RORB: variants seen among roughly 807,000 people sequenced by gnomAD.
RORB encodes RAR related orphan receptor B.
Under a neutral mutation model 59.1 loss-of-function variants are expected in RORB, and 6 were observed. That is an observed-to-expected ratio of 0.10 (90% CI 0.06 to 0.20). RORB has a LOEUF of 0.20. Among genes scored for constraint, RORB ranks in the 10% least tolerant of loss-of-function variants. The probability of loss-of-function intolerance (pLI) is 1.00; values close to 1 mark genes in which losing one functional copy is unlikely to be tolerated. For missense variants in RORB, 320 were observed against 560.5 expected, an observed-to-expected ratio of 0.57 and a Z score of 4.33; for synonymous variants, 215 against 204.5, an observed-to-expected ratio of 1.05 and a Z score of -0.44.
intron 1 of RORB, among the ~76,000 whole-genome samples, chr9:74,608,563 C>CAAAAAAAA (rs34028088): frequency 3.9e-5 from 5 of 127,292 alleles, no homozygotes; most frequent in Non-Finnish European, 8.1e-5. Flanking sequence ...GACTCCGTCT[C>CAAAAAAAA]AAAAAAAAAA....
At chr9:74,604,654 T>G (rs1220773220) in intron 1 of RORB, among the ~76,000 whole-genome samples, 1 of 152,202 alleles carries the variant, frequency 6.6e-6, no homozygotes, top group Non-Finnish European at 1.5e-5. Context: ...AGTGTAGTGG[T>G]GTTAAATAGC....
Position 74,568,423 on chromosome 9 carries a change from C to T in RORB, c.8-61859C>T, listed in dbSNP as rs753276890. On this transcript the variant is annotated intron_variant, in intron 1 of 9. Transcript: ENST00000376896. Reference sequence around the variant, plus strand: ...TTTCTTAAGAAAATTAAACCGGAGCCGGGCACGGTGGCTCACGCCTGTAAT... The same window carrying T: ...TTTCTTAAGAAAATTAAACCGGAGCTGGGCACGGTGGCTCACGCCTGTAAT... Among the ~76,000 whole-genome samples the T allele has an allele frequency of 3.9e-5, 6 of 151,900 alleles. No homozygotes were observed. The Middle Eastern group carries it at 0.01, about 258-fold the overall frequency.
intron 1 of RORB, among the ~76,000 whole-genome samples, chr9:74,513,884 A>T (rs1260387168): frequency 6.6e-6 from 1 of 152,090 alleles, no homozygotes; most frequent in East Asian, 1.9e-4. Context: ...GTGTTATTGT[A>T]TATACTATGT....
chr9:74,684,768 A>G (rs1474961216), intron 9 of RORB, among the ~76,000 whole-genome samples: 3 of 152,178 alleles, frequency 2.0e-5, no homozygotes, highest in African/African-American at 7.2e-5. Flanking sequence ...CATATTATGC[A>G]TTACAGTGGA....
At chr9:74,524,201 G>A (rs1378694942) in intron 1 of RORB, among the ~76,000 whole-genome samples, 1 of 151,698 alleles carries the variant, frequency 6.6e-6, no homozygotes, top group Non-Finnish European at 1.5e-5. Flanking sequence ...AGGAGACTTA[G>A]TTTGTCCTGG....
intron 1 of RORB, among the ~76,000 whole-genome samples, chr9:74,539,691 A>G (rs1826374668): frequency 6.6e-6 from 1 of 152,158 alleles, no homozygotes; most frequent in African/African-American, 2.4e-5. Flanking sequence ...TATGAAGACA[A>G]ATAAAGCTGG....
At chr9:74,502,339 A>G (rs1489443279) in intron 1 of RORB, among the ~76,000 whole-genome samples, 1 of 152,094 alleles carries the variant, frequency 6.6e-6, no homozygotes, top group African/African-American at 2.4e-5. Flanking sequence ...GCGTATACAC[A>G]GTTGTCAACA....
At chr9:74,502,209 G>A (rs1387849522) in intron 1 of RORB, among the ~76,000 whole-genome samples, 2 of 152,068 alleles carry the variant, frequency 1.3e-5, no homozygotes, top group Admixed American at 6.5e-5. Flanking sequence ...TCCAAGCCAT[G>A]AAACCTAATT....
rs907478597 is a variant in RORB at position 74,623,929 on chromosome 9, G to C, written c.8-6353G>C. On this transcript the variant is annotated intron_variant, in intron 1 of 9. Coordinates refer to ENST00000376896, the MANE Select transcript of RORB (RefSeq NM_006914.4). ...AAAGTGATTTACTTTGTTTACAAGGGGAATATTTAACTTATCAGTATTTTC... is the reference window on the plus strand; with the variant it reads ...AAAGTGATTTACTTTGTTTACAAGGCGAATATTTAACTTATCAGTATTTTC... Among the ~76,000 whole-genome samples, 28 of 152,188 alleles carry C rather than the reference G, an allele frequency of 1.8e-4. 1 individual carries two copies. The highest frequency in any genetic ancestry group is 4.2e-4 in the South Asian group (2 of 4,806).
At chr9:74,522,979 T>C (rs1256522010) in intron 1 of RORB, among the ~76,000 whole-genome samples, 2 of 151,880 alleles carry the variant, frequency 1.3e-5, no homozygotes, top group Non-Finnish European at 2.9e-5. Flanking sequence ...ATGGTGCCAC[T>C]TGAGTTTAGG....
chr9:74,550,026 C>A (rs1826582784), intron 1 of RORB, among the ~76,000 whole-genome samples: 1 of 151,984 alleles, frequency 6.6e-6, no homozygotes, highest in South Asian at 2.1e-4. Flanking sequence ...TGCGCCCGGC[C>A]GATTATGTGT....
intron 1 of RORB, among the ~76,000 whole-genome samples, chr9:74,538,803 C>T (rs901242781): frequency 6.6e-6 from 1 of 151,436 alleles, no homozygotes; most frequent in Non-Finnish European, 1.5e-5. Flanking sequence ...TTAAGAGCAT[C>T]GTCTTTAGAG....
At chr9:74,578,179 T>C (rs541072464) in intron 1 of RORB, among the ~76,000 whole-genome samples, 4 of 152,178 alleles carry the variant, frequency 2.6e-5, no homozygotes, top group African/African-American at 9.6e-5. Context: ...GTACTAAAAG[T>C]CTTAGGACAG....
chr9:74,565,574 CT>C (rs888245166), intron 1 of RORB, among the ~76,000 whole-genome samples: 9 of 152,082 alleles, frequency 5.9e-5, no homozygotes, highest in African/African-American at 2.2e-4. Flanking sequence ...CGTGTGACCC[CT>C]AAGTAGTTAA....
chr9:74,606,013 G>A (rs1823143446), intron 1 of RORB, among the ~76,000 whole-genome samples: 2 of 152,162 alleles, frequency 1.3e-5, no homozygotes, highest in South Asian at 4.1e-4. Flanking sequence ...GAACACATGT[G>A]GAGAATCGCC....
At chr9:74,600,496 ATTGGTGTTT>A (rs1212802993) in intron 1 of RORB, among the ~76,000 whole-genome samples, 6 of 152,120 alleles carry the variant, frequency 3.9e-5, no homozygotes, top group Admixed American at 1.3e-4. Context: ...TTCTGAGGCA[ATTGGTGTTT>A]CTGGGATCAC....
chr9:74,690,175 A>G lies in RORB; in HGVS notation c.*4557A>G, dbSNP rs186569326. 1 of 152,298 alleles carries G rather than the reference A, an allele frequency of 6.6e-6. No homozygotes were observed. Among genetic ancestry groups the G allele is most frequent in the Admixed American group, 6.5e-5 (1 of 15,298 alleles). The allele number at this position is 152,298 out of a possible 1,614,324, so 9.4% of individuals were successfully genotyped here. A position where few individuals can be genotyped will look rare whatever the true frequency, so the allele number is the denominator to read the frequency against. On this transcript the variant is annotated 3_prime_UTR_variant, in exon 10 of 10. Transcript: ENST00000376896. The stretch of plus-strand genomic sequence containing the variant: ...AAGTGTTATTTGATGTTCTGTTTCC[A>G]ACTGTCAGTATAAGCAGCAACTAGA...
At position 74,689,808 on chromosome 9, in the gene RORB, C is replaced by A. The variant is rs756049005; in HGVS notation, c.*4190C>A. The stretch of plus-strand genomic sequence containing the variant: ...AACAATTCTTGGGTCCCAAGGACAA[C>A]CTAAAACTTACCAGCTTTTTTCAAA... On this transcript the variant is annotated 3_prime_UTR_variant, in exon 10 of 10. Transcript: ENST00000376896. The A allele has an allele frequency of 5.3e-5, 8 of 152,158 alleles. No individual in the cohort carries two copies. Among genetic ancestry groups the A allele is most frequent in the Non-Finnish European group, 8.8e-5 (6 of 68,022 alleles). 9.4% of individuals were successfully genotyped at this position (152,158 alleles called of 1,614,324 possible).
At position 74,658,697 on chromosome 9, in the gene RORB, G is replaced by A. The variant is rs1158827321; in HGVS notation, c.638-1920G>A. On this transcript the variant is annotated intron_variant, in intron 4 of 9. Coordinates refer to ENST00000376896, the MANE Select transcript of RORB (RefSeq NM_006914.4). Reference sequence around the variant, plus strand: ...TATATACCTACTGGAAAGCAAATATGTTTTTTTAGATTCTAAGTAATTAGA... The same window carrying A: ...TATATACCTACTGGAAAGCAAATATATTTTTTTAGATTCTAAGTAATTAGA... 3.4e-5 allele frequency among the ~76,000 whole-genome samples: 5 copies of A among 148,502 alleles called. No individual in the cohort carries two copies. The East Asian group carries it at 9.7e-4, about 29-fold the overall frequency.
Sources: allele counts gnomAD v4.1 joint callset (sites outside exome capture counted in the v4.1 genomes callset), GRCh38; gene constraint gnomAD v4.1.1; transcripts MANE v1.5; gene names NCBI Gene and HGNC (gene_info 2026-07-23, HGNC 2026-07-21).